The following FOXN1 variants were observed in gnomAD, a reference collection of about 807,000 sequenced individuals.
The protein encoded by FOXN1 is forkhead box N1.
FOXN1 carries 15 observed loss-of-function variants against 49.0 expected under a neutral mutation model. That is an observed-to-expected ratio of 0.31 (90% CI 0.20 to 0.47). The LOEUF (loss-of-function observed/expected upper bound fraction) is 0.47. Among genes scored for constraint, FOXN1 ranks in the 20% least tolerant of loss-of-function variants. The pLI is 1.00. For missense variants in FOXN1, 800 were observed against 842.8 expected (o/e 0.95, Z 0.63); for synonymous variants, 356 against 369.0 (o/e 0.96, Z 0.40).
intron 2 of FOXN1, 33 bp from the exon 3 acceptor site, chr17:28,524,470 C>T: frequency 6.3e-7 from 1 of 1,580,568 alleles, no homozygotes; most frequent in Non-Finnish European, 8.7e-7. Context: ...GTTCAGCCTC[C>T]ACTCACAGGC....
chr17:28,533,389 T>C (rs2069961901), intron 6 of FOXN1, among the ~76,000 whole-genome samples: 1 of 151,894 alleles, frequency 6.6e-6, no homozygotes, highest in Non-Finnish European at 1.5e-5. Context: ...CCCAACTGAG[T>C]CAGCCTAATG....
intron 1 of FOXN1, among the ~76,000 whole-genome samples, chr17:28,518,390 C>T (rs529880780): frequency 1.0e-3 from 159 of 152,344 alleles, no homozygotes; most frequent in African/African-American, 3.7e-3. Flanking sequence ...CACTCCTAAA[C>T]GGCCCCCTCT....
At position 28,527,272 on chromosome 17, in the gene FOXN1, C is replaced by T. The variant is rs746471609; in HGVS notation, c.610C>T (p.Pro204Ser). 3.1e-6 allele frequency: 5 copies of T among 1,612,798 alleles called. No individual in the cohort carries two copies. Among genetic ancestry groups the T allele is most frequent in the Non-Finnish European group, 4.2e-6 (5 of 1,178,794 alleles). The change falls in exon 4 of 9, where the codon CCC (proline) becomes TCC (serine). Residue 204 changes from proline (P) to serine (S), a missense_variant. By Grantham distance (74) the Pro-to-Ser change is moderately conservative. Coordinates refer to ENST00000579795, the MANE Select transcript of FOXN1 (RefSeq NM_001369369.1). Reference protein sequence around the residue: ...QVLGSEVKVKPPVLESGAGMF... With the variant: ...QVLGSEVKVKSPVLESGAGMF... The stretch of plus-strand genomic sequence containing the variant: ...GCAGGGTTCAGAGGTCAAAGTCAAG[C>T]CCCCAGTTCTGGAGAGTGGTGCTGG...
At chr17:28,521,666 G>A (rs1456427524) in intron 1 of FOXN1, among the ~76,000 whole-genome samples, 1 of 152,240 alleles carries the variant, frequency 6.6e-6, no homozygotes, top group Non-Finnish European at 1.5e-5. Flanking sequence ...AGGGGCGGGA[G>A]AGCCTCCCAC....
chr17:28,525,203 C>T (rs920714373), intron 3 of FOXN1, among the ~76,000 whole-genome samples: 1 of 152,212 alleles, frequency 6.6e-6, no homozygotes, highest in Non-Finnish European at 1.5e-5. Context: ...TTCCCAGAGG[C>T]TCCTGAGTCA....
chr17:28,524,178 A>T (rs1248032282), intron 2 of FOXN1, 86 bp downstream of exon 2: 2 of 1,391,922 alleles, frequency 1.4e-6, no homozygotes, highest in Non-Finnish European at 2.0e-6. Flanking sequence ...TACCGCCCCC[A>T]GGGACCTCCC....
rs577342392 is a variant in FOXN1, at chr17:28,537,601, C to G, written c.*165C>G. 8.1e-4 allele frequency: 546 copies of G among 675,858 alleles called. 1 individual carries two copies. The highest frequency in any genetic ancestry group is 1.0e-3 in the Non-Finnish European group (380 of 372,928). 41.9% of individuals were successfully genotyped at this position (675,858 alleles called of 1,614,324 possible). On this transcript the variant is annotated 3_prime_UTR_variant, in exon 9 of 9. Transcript: ENST00000579795. ...TGGTAGCTGGGGGCGCAGAGGACATCACCTGGGGTGCTGCCTCTCACACAT... is the reference window on the plus strand; with the variant it reads ...TGGTAGCTGGGGGCGCAGAGGACATGACCTGGGGTGCTGCCTCTCACACAT...
chr17:28,517,818 A>G (rs1364870846), intron 1 of FOXN1, among the ~76,000 whole-genome samples: 370 of 133,920 alleles, frequency 2.8e-3, no homozygotes, highest in African/African-American at 0.012. Flanking sequence ...CAGGATACAC[A>G]CCTCCACAGG....
chr17:28,519,909 G>C (rs1486198345), intron 1 of FOXN1, among the ~76,000 whole-genome samples: 2 of 152,242 alleles, frequency 1.3e-5, no homozygotes, highest in East Asian at 3.9e-4. Flanking sequence ...GGAAAGGGGA[G>C]TTCCCTTCCT....
intron 1 of FOXN1, among the ~76,000 whole-genome samples, chr17:28,516,388 C>A (rs1567872884): frequency 6.6e-6 from 1 of 151,710 alleles, no homozygotes; most frequent in African/African-American, 2.4e-5. Context: ...GGGTACACAC[C>A]TCCACAGGAT....
intron 8 of FOXN1, 139 bp downstream of exon 8, chr17:28,535,337 C>A (rs2070035080): frequency 1.1e-6 from 1 of 892,596 alleles, no homozygotes; most frequent in Non-Finnish European, 1.7e-6. Flanking sequence ...GGAGGCTGGA[C>A]CTGGCAGGGG....
Position 28,537,188 on chromosome 17 carries a change from ACAT to A in FOXN1, c.1704_1706del (p.Ser570del), listed in dbSNP as rs1218768690. The A allele has an allele frequency of 6.2e-7, 1 of 1,613,748 alleles. No homozygotes were observed. The highest frequency in any genetic ancestry group is 8.5e-7 in the Non-Finnish European group (1 of 1,179,864). On this transcript the variant is annotated inframe_deletion, in exon 9 of 9. Transcript: ENST00000579795. ...CCTGGTACTGGTGACCTCATCCCCG[ACAT>A]CATCTTCGATGCCACCACCCCAGCC...
At chr17:28,529,305 G>A (rs2069850016) in intron 5 of FOXN1, 81 bp downstream of exon 5, 1 of 1,530,482 alleles carries the variant, frequency 6.5e-7, no homozygotes, top group African/African-American at 1.4e-5. Context: ...GAATCCTCTG[G>A]GTCTACCAGT....
In FOXN1 at chr17:28,524,793, C is replaced by G. The variant is rs771500973; in HGVS notation, c.414C>G (p.Ala138=). The part of the protein sequence containing the change: ...RPFHEDVFPE[A]ETTLALKGHS... Reference sequence around the variant, plus strand: ...TCCATGAGGACGTCTTCCCAGAGGCCGAGACCACCCTGGCCCTCAAAGGAC... The same window carrying G: ...TCCATGAGGACGTCTTCCCAGAGGCGGAGACCACCCTGGCCCTCAAAGGAC... Residue 138 remains alanine (A), a synonymous_variant, in exon 3 of 9, where the codon GCC becomes GCG. Transcript: ENST00000579795. 3 of 1,613,500 alleles carry G rather than the reference C, an allele frequency of 1.9e-6. No individual in the cohort carries two copies. The highest frequency in any genetic ancestry group is 1.7e-6 in the Non-Finnish European group (2 of 1,179,966).
chr17:28,514,597 C>A (rs2069456802), intron 1 of FOXN1, among the ~76,000 whole-genome samples: 1 of 152,174 alleles, frequency 6.6e-6, no homozygotes, highest in African/African-American at 2.4e-5. Flanking sequence ...CTCCCAGCAG[C>A]CTGTCGGGTG....
intron 1 of FOXN1, among the ~76,000 whole-genome samples, chr17:28,509,725 T>C (rs1555606673): frequency 1.3e-5 from 2 of 152,204 alleles, no homozygotes; most frequent in Non-Finnish European, 2.9e-5. Context: ...ACCTCCACAC[T>C]GCGGGCATGT....
At chr17:28,527,495 T>C in intron 4 of FOXN1, 134 bp downstream of exon 4, 1 of 692,368 alleles carries the variant, frequency 1.4e-6, no homozygotes, top group South Asian at 1.5e-5. Context: ...CCCTGAACCT[T>C]AGGCTTGGCC....
At chr17:28,511,503 G>A (rs1330119445) in intron 1 of FOXN1, among the ~76,000 whole-genome samples, 1 of 152,076 alleles carries the variant, frequency 6.6e-6, no homozygotes, top group Non-Finnish European at 1.5e-5. Flanking sequence ...ATGTTTGAAG[G>A]TAAAAAGATC....
chr17:28,527,494 T>C, intron 4 of FOXN1, 133 bp downstream of exon 4: 2 of 693,920 alleles, frequency 2.9e-6, no homozygotes, highest in East Asian at 2.7e-5. Context: ...GCCCTGAACC[T>C]TAGGCTTGGC....
Sources: allele counts gnomAD v4.1 joint callset (sites outside exome capture counted in the v4.1 genomes callset), GRCh38; gene constraint gnomAD v4.1.1; transcripts MANE v1.5; gene names NCBI Gene and HGNC (gene_info 2026-07-23, HGNC 2026-07-21).